Variants in FLRT2 observed in about 807,000 individuals in gnomAD.
FLRT2 encodes leucine-rich repeat transmembrane protein FLRT2.
A neutral mutation model predicts 40.0 loss-of-function variants in FLRT2; 15 were observed. That is an observed-to-expected ratio of 0.38 (90% CI 0.25 to 0.58). FLRT2 has a LOEUF of 0.58. Ranked by LOEUF, FLRT2 falls within the 20% of genes least tolerant of loss-of-function variation. The probability of loss-of-function intolerance (pLI) is 0.71; values close to 1 mark genes in which losing one functional copy is unlikely to be tolerated. For synonymous variants in FLRT2, 380 were observed against 336.8 expected, an observed-to-expected ratio of 1.13 and a Z score of -1.41; for missense variants, 726 against 840.0, an observed-to-expected ratio of 0.86 and a Z score of 1.68.
chr14:85,613,472 A>G lies in FLRT2; in HGVS notation c.-376-7667A>G, dbSNP rs78126400. Among the ~76,000 whole-genome samples, 433 of 152,270 alleles carry G rather than the reference A, an allele frequency of 2.8e-3. 1 individual carries two copies. Among genetic ancestry groups the G allele is most frequent in the Middle Eastern group, 0.01 (3 of 294 alleles). On this transcript the variant is annotated intron_variant, in intron 1 of 1. Transcript: ENST00000330753. ...GGACTATTCATCCATCGCTCTATCTATCCCTCAATCTTTCCAGATAGCTTT... is the reference window on the plus strand; with the variant it reads ...GGACTATTCATCCATCGCTCTATCTGTCCCTCAATCTTTCCAGATAGCTTT...
intron 1 of FLRT2, among the ~76,000 whole-genome samples, chr14:85,545,539 G>C (rs1818022194): frequency 6.6e-6 from 1 of 152,190 alleles, no homozygotes; most frequent in African/African-American, 2.4e-5. Flanking sequence ...ATGATGAGCT[G>C]CTAACCAGTG....
rs71454768 is a variant in FLRT2, at chr14:85,535,892, GTTTTTTT to G, written c.-377+5381_-377+5387del. Among the ~76,000 whole-genome samples the G allele has an allele frequency of 3.2e-3, 185 of 57,894 alleles. 3 individuals carry two copies. Among genetic ancestry groups the G allele is most frequent in the African/African-American group, 9.8e-3 (174 of 17,666 alleles). The allele number at this position is 57,894 out of a possible 152,430, so 38.0% of individuals were successfully genotyped here. A position where few individuals can be genotyped will look rare whatever the true frequency, so the allele number is the denominator to read the frequency against. ...ACAAACCTAGCATGGAAGGAATGCT[GTTTTTTT>G]TTTTTTTTTTTTTTTTTTTTTTGTT... On this transcript the variant is annotated intron_variant, in intron 1 of 1. Coordinates refer to ENST00000330753, the MANE Select transcript of FLRT2 (RefSeq NM_013231.6).
At chr14:85,559,090 C>G (rs1890155140) in intron 1 of FLRT2, among the ~76,000 whole-genome samples, 1 of 152,206 alleles carries the variant, frequency 6.6e-6, no homozygotes, top group South Asian at 2.1e-4. Context: ...ACATCACTGT[C>G]ATAGCTCTTC....
chr14:85,532,622 C>T (rs1888356217), intron 1 of FLRT2, among the ~76,000 whole-genome samples: 1 of 152,164 alleles, frequency 6.6e-6, no homozygotes, highest in South Asian at 2.1e-4. Flanking sequence ...TTGCCAGAAG[C>T]AGCCAGGTTG....
At chr14:85,570,542 T>G (rs1469302488) in intron 1 of FLRT2, among the ~76,000 whole-genome samples, 3 of 149,842 alleles carry the variant, frequency 2.0e-5, no homozygotes, top group Non-Finnish European at 4.4e-5. Context: ...TCCCTTTAAA[T>G]TCTCCTTATT....
At chr14:85,564,222 C>T (rs74583576) in intron 1 of FLRT2, among the ~76,000 whole-genome samples, 3,345 of 152,214 alleles carry the variant, frequency 0.022, 126 homozygotes, top group African/African-American at 0.075. Flanking sequence ...TCATAACCCA[C>T]GAATTGATTT....
At chr14:85,564,823 C>T (rs1890546009) in intron 1 of FLRT2, among the ~76,000 whole-genome samples, 1 of 152,164 alleles carries the variant, frequency 6.6e-6, no homozygotes, top group African/African-American at 2.4e-5. Context: ...ATTGTAATAG[C>T]ACTGATCTCA....
chr14:85,626,552 A>G lies in FLRT2; in HGVS notation c.*3055A>G, dbSNP rs1180288227. ...AAAGGATATATTGACAGTTATCTAT[A>G]GCCAGGGTAGTTGTTAATACCTGCT... is the stretch of plus-strand genomic sequence containing the variant. On this transcript the variant is annotated 3_prime_UTR_variant, in exon 2 of 2. Coordinates refer to ENST00000330753, the MANE Select transcript of FLRT2 (RefSeq NM_013231.6). 6.0e-6 allele frequency: 1 copy of G among 167,078 alleles called. No individual in the cohort carries two copies. The highest frequency in any genetic ancestry group is 1.5e-5 in the Non-Finnish European group (1 of 68,120). 10.3% of individuals were successfully genotyped at this position (167,078 alleles called of 1,614,324 possible).
rs536695980 is a variant in FLRT2, at chr14:85,651,255, G to T, written c.*27758G>T. Reference sequence around the variant, plus strand: ...AAAGGACATAGCCTGGAAAGTATTCGTTTGTTTGTGTGTGTGTGTGTGTGT... The same window carrying T: ...AAAGGACATAGCCTGGAAAGTATTCTTTTGTTTGTGTGTGTGTGTGTGTGT... On this transcript the variant is annotated 3_prime_UTR_variant, in exon 2 of 2. Transcript: ENST00000330753. 6.0e-5 allele frequency: 4 copies of T among 66,282 alleles called. No homozygotes were observed. The highest frequency in any genetic ancestry group is 1.7e-4 in the African/African-American group (4 of 23,704). The allele number at this position is 66,282 out of a possible 1,614,324, so 4.1% of individuals were successfully genotyped here.
At chr14:85,605,239 T>G (rs984759442) in intron 1 of FLRT2, among the ~76,000 whole-genome samples, 1 of 152,156 alleles carries the variant, frequency 6.6e-6, no homozygotes, top group Non-Finnish European at 1.5e-5. Flanking sequence ...TTTTGATAAC[T>G]TGGAAATATA....
At chr14:85,552,132 T>G (rs1420068638) in intron 1 of FLRT2, among the ~76,000 whole-genome samples, 1 of 152,216 alleles carries the variant, frequency 6.6e-6, no homozygotes, top group Admixed American at 6.5e-5. Context: ...GTCAATTTAC[T>G]GAACCTTGGA....
intron 1 of FLRT2, among the ~76,000 whole-genome samples, chr14:85,581,883 C>T (rs1891401641): frequency 6.6e-6 from 1 of 152,162 alleles, no homozygotes; most frequent in Non-Finnish European, 1.5e-5. Flanking sequence ...ACAGTTAGGA[C>T]ATGTGACACA....
intron 1 of FLRT2, among the ~76,000 whole-genome samples, chr14:85,567,890 C>T (rs1272741505): frequency 3.3e-5 from 5 of 151,988 alleles, no homozygotes; most frequent in South Asian, 2.1e-4. Context: ...CCTCCCACCT[C>T]GGCCTCCCAA....
intron 1 of FLRT2, among the ~76,000 whole-genome samples, chr14:85,551,541 G>A (rs1695111952): frequency 6.6e-6 from 1 of 152,236 alleles, no homozygotes; most frequent in African/African-American, 2.4e-5. Flanking sequence ...TATTGTTGTG[G>A]CTATGATGTT....
chr14:85,649,619 TG>T lies in FLRT2; in HGVS notation c.*26124del, dbSNP rs1894387143. On this transcript the variant is annotated 3_prime_UTR_variant, in exon 2 of 2. Coordinates refer to ENST00000330753, the MANE Select transcript of FLRT2 (RefSeq NM_013231.6). ...AACCAGAATGTTGTTTTGATCATAC[TG>T]GTTTTAGGCAAAGGATTTTAAGATA... 6.6e-6 allele frequency: 1 copy of T among 152,092 alleles called. No homozygotes were observed. The highest frequency in any genetic ancestry group is 2.1e-4 in the South Asian group (1 of 4,834). The allele number at this position is 152,092 out of a possible 1,614,324, so 9.4% of individuals were successfully genotyped here. A position where few individuals can be genotyped will look rare whatever the true frequency, so the allele number is the denominator to read the frequency against.
chr14:85,545,058 A>T (rs958344759), intron 1 of FLRT2, among the ~76,000 whole-genome samples: 2 of 152,148 alleles, frequency 1.3e-5, no homozygotes, highest in Admixed American at 1.3e-4. Context: ...TTGATCAGAC[A>T]CTACCCCTTA....
rs1327877172 is a variant in FLRT2, at chr14:85,649,311, T to C, written c.*25814T>C. 1 of 152,152 alleles carries C rather than the reference T, an allele frequency of 6.6e-6. No homozygotes were observed. The highest frequency in any genetic ancestry group is 2.4e-5 in the African/African-American group (1 of 41,456). The allele number at this position is 152,152 out of a possible 1,614,324, so 9.4% of individuals were successfully genotyped here. A position where few individuals can be genotyped will look rare whatever the true frequency, so the allele number is the denominator to read the frequency against. On this transcript the variant is annotated 3_prime_UTR_variant, in exon 2 of 2. Transcript: ENST00000330753. Reference sequence around the variant, plus strand: ...TAATAGCTCATTGAAAGAACTAGCCTGAAGCAGATAAAATATGTTGCAGAT... The same window carrying C: ...TAATAGCTCATTGAAAGAACTAGCCCGAAGCAGATAAAATATGTTGCAGAT...
chr14:85,532,294 T>C (rs1888334370), intron 1 of FLRT2, among the ~76,000 whole-genome samples: 1 of 152,170 alleles, frequency 6.6e-6, no homozygotes, highest in Admixed American at 6.5e-5. Flanking sequence ...CGCGGGCTCG[T>C]TCTCCCTCTT....
In FLRT2 at chr14:85,643,354, T is replaced by TTCCTTCCTTCCTTCCTTCCTTC. The variant is rs1491559808; in HGVS notation, c.*19857_*19858insTCCTTCCTTCCTTCCTTCCTTC. On this transcript the variant is annotated 3_prime_UTR_variant, in exon 2 of 2. Transcript: ENST00000330753. ...TTCTTTCTTTCTTTCTTTCTTTCTT[T>TTCCTTCCTTCCTTCCTTCCTTC]CTTCCTTCCTTCCTTCCTTCCTTTC... 2.2e-5 allele frequency: 1 copy of TTCCTTCCTTCCTTCCTTCCTTC among 46,076 alleles called. No homozygotes were observed. Among genetic ancestry groups the TTCCTTCCTTCCTTCCTTCCTTC allele is most frequent in the African/African-American group, 7.5e-5 (1 of 13,278 alleles). 2.9% of individuals were successfully genotyped at this position (46,076 alleles called of 1,614,324 possible).
Sources: allele counts gnomAD v4.1 joint callset (sites outside exome capture counted in the v4.1 genomes callset), GRCh38; gene constraint gnomAD v4.1.1; transcripts MANE v1.5; gene names NCBI Gene and HGNC (gene_info 2026-07-23, HGNC 2026-07-21).